Variants in GALNT14 observed in about 807,000 individuals in gnomAD.
GALNT14 encodes UDP-GalNAc:polypeptide N-acetylgalactosaminyltransferase 14.
A neutral mutation model predicts 77.5 loss-of-function variants in GALNT14; 60 were observed. The ratio of observed to expected loss-of-function variants is 0.77; its 90% CI spans 0.63 to 0.96. The LOEUF (loss-of-function observed/expected upper bound fraction) is 0.96, where lower values mean the gene tolerates loss of function less well. Ranked by LOEUF, GALNT14 falls within the 40% of genes least tolerant of loss-of-function variation. The probability of loss-of-function intolerance (pLI) is 0.00; values close to 1 mark genes in which losing one functional copy is unlikely to be tolerated. For missense variants in GALNT14, 710 were observed against 731.0 expected, an observed-to-expected ratio of 0.97 and a Z score of 0.33; for synonymous variants, 280 against 281.7, an observed-to-expected ratio of 0.99 and a Z score of 0.06.
the GALNT14 span, among the ~76,000 whole-genome samples, chr2:30,902,183 C>T: frequency 0.26 from 39,299 of 152,090 alleles, 5,290 homozygotes; most frequent in Admixed American, 0.31. Flanking sequence ...CTATCCCATC[C>T]AGTGATTGTC....
chr2:30,993,073 A>G (rs1669818377), intron 1 of GALNT14, 66 bp from the exon 2 acceptor site: 8 of 1,539,656 alleles, frequency 5.2e-6, no homozygotes, highest in South Asian at 2.4e-5. Flanking sequence ...CCGTCTGCCT[A>G]TCAGTACCCA....
chr2:31,080,368 T>C (rs1676082156), intron 1 of GALNT14, among the ~76,000 whole-genome samples: 1 of 152,248 alleles, frequency 6.6e-6, no homozygotes, highest in Non-Finnish European at 1.5e-5. Flanking sequence ...AAATTATTTG[T>C]TGTTTTGTTG....
At chr2:31,019,221 T>G (rs1671567180) in intron 1 of GALNT14, among the ~76,000 whole-genome samples, 1 of 152,212 alleles carries the variant, frequency 6.6e-6, no homozygotes, top group Non-Finnish European at 1.5e-5. Flanking sequence ...AGAACTGCGA[T>G]GCCTCCACTC....
At chr2:30,920,510 A>C (rs1349547953) in intron 13 of GALNT14, among the ~76,000 whole-genome samples, 1 of 152,080 alleles carries the variant, frequency 6.6e-6, no homozygotes, top group Non-Finnish European at 1.5e-5. Context: ...GAATGTGACA[A>C]AGCCCAGTGT....
downstream of GALNT14, among the ~76,000 whole-genome samples, chr2:30,907,516 G>A (rs189058410): frequency 2.9e-4 from 44 of 152,314 alleles, no homozygotes; most frequent in African/African-American, 9.9e-4. Flanking sequence ...CCAGGAAGAA[G>A]TTGAATCTCG....
intron 1 of GALNT14, among the ~76,000 whole-genome samples, chr2:31,032,191 C>T (rs1200966556): frequency 6.6e-6 from 1 of 152,230 alleles, no homozygotes; most frequent in Non-Finnish European, 1.5e-5. Context: ...AAAGCCCTAA[C>T]CTACAAAACA....
intron 3 of GALNT14, among the ~76,000 whole-genome samples, chr2:30,962,688 C>G (rs1344568867): frequency 1.3e-5 from 2 of 152,208 alleles, no homozygotes; most frequent in Admixed American, 1.3e-4. Flanking sequence ...GAGTTCCCCA[C>G]GTGAGCCTGT....
intron 2 of GALNT14, 81 bp downstream of exon 2, chr2:30,992,757 G>T: frequency 6.8e-7 from 1 of 1,477,178 alleles, no homozygotes; most frequent in Non-Finnish European, 9.3e-7. Context: ...CACTGGTGCT[G>T]CATACAGCAG....
At chr2:30,911,342 G>A (rs781653066) in intron 14 of GALNT14, among the ~76,000 whole-genome samples, 9 of 152,132 alleles carry the variant, frequency 5.9e-5, no homozygotes, top group Non-Finnish European at 1.0e-4. Context: ...AACATGAAGC[G>A]AGTTAGTCAC....
chr2:31,087,980 T>A (rs569093234), intron 1 of GALNT14, among the ~76,000 whole-genome samples: 1 of 152,316 alleles, frequency 6.6e-6, no homozygotes, highest in East Asian at 1.9e-4. Context: ...ATGATAGCGG[T>A]CTATGAACCA....
intron 1 of GALNT14, among the ~76,000 whole-genome samples, chr2:31,049,243 G>A (rs1673685220): frequency 6.6e-6 from 1 of 152,126 alleles, no homozygotes; most frequent in Admixed American, 6.5e-5. Context: ...TGGGCTCTGT[G>A]TCTTCAGCTC....
chr2:31,021,981 G>A (rs1220007981), intron 1 of GALNT14, among the ~76,000 whole-genome samples: 1 of 152,202 alleles, frequency 6.6e-6, no homozygotes, highest in Non-Finnish European at 1.5e-5. Context: ...CAATAAAAAG[G>A]AGGTAAGTTG....
intron 1 of GALNT14, among the ~76,000 whole-genome samples, chr2:31,066,216 A>C (rs577820917): frequency 1.9e-4 from 29 of 152,176 alleles, no homozygotes; most frequent in African/African-American, 6.7e-4. Context: ...TCGGCTCCTC[A>C]GCTGAGCTGG....
At chr2:30,911,192 A>T in intron 14 of GALNT14, 133 bp from the exon 15 acceptor site, 2 of 730,172 alleles carry the variant, frequency 2.7e-6, no homozygotes, top group Non-Finnish European at 4.5e-6. Flanking sequence ...ATAAGCACTA[A>T]AACTGCAACT....
intron 14 of GALNT14, among the ~76,000 whole-genome samples, chr2:30,911,944 A>G (rs1475132727): frequency 2.6e-5 from 4 of 152,198 alleles, no homozygotes; most frequent in Non-Finnish European, 5.9e-5. Flanking sequence ...CGTGGGGAAC[A>G]GAGCAATGAC....
At chr2:30,911,628 A>G (rs1216779429) in intron 14 of GALNT14, among the ~76,000 whole-genome samples, 13 of 152,198 alleles carry the variant, frequency 8.5e-5, no homozygotes, top group Admixed American at 7.9e-4. Flanking sequence ...TGCCCTGTGT[A>G]GTGGACATTC....
At chr2:30,963,897 A>T (rs1373286983) in intron 3 of GALNT14, among the ~76,000 whole-genome samples, 2 of 152,178 alleles carry the variant, frequency 1.3e-5, no homozygotes, top group African/African-American at 4.8e-5. Flanking sequence ...ACTAAGTACG[A>T]TTAGTATTCT....
intron 1 of GALNT14, among the ~76,000 whole-genome samples, chr2:31,134,380 T>A (rs998681140): frequency 2.0e-5 from 3 of 152,238 alleles, no homozygotes; most frequent in African/African-American, 7.2e-5. Flanking sequence ...GGCTTCAGCA[T>A]GTCCAAGGCA....
Position 31,060,895 on chromosome 2 carries a change from A to G in GALNT14, c.130-67888T>C, listed in dbSNP as rs190247896. On this transcript the variant is annotated intron_variant, in intron 1 of 14. Transcript: ENST00000349752. ...GGACACAGCAGTGTGATGGGCTTCTATGGCCACAGGACTGACGGAGGCTGC... is the reference window on the plus strand; with the variant it reads ...GGACACAGCAGTGTGATGGGCTTCTGTGGCCACAGGACTGACGGAGGCTGC... Among the ~76,000 whole-genome samples, 30 of 152,332 alleles carry G rather than the reference A, an allele frequency of 2.0e-4. No individual in the cohort carries two copies. In the Middle Eastern group the frequency reaches 0.01, roughly 52 times the overall value.
Sources: gnomAD v4.1 joint callset for allele counts (sites outside exome capture counted in the v4.1 genomes callset) on GRCh38, gnomAD v4.1.1 for gene constraint, MANE v1.5 for transcripts, NCBI Gene and HGNC (gene_info 2026-07-23, HGNC 2026-07-21) for gene names.